The following ARRDC2 variants were observed in gnomAD, a reference collection of about 807,000 sequenced individuals.
ARRDC2 encodes the protein arrestin domain-containing protein 2.
Under a neutral mutation model 38.9 loss-of-function variants are expected in ARRDC2, and 39 were observed. The observed-to-expected ratio is 1.00, with a 90% CI of 0.78 to 1.31. The LOEUF (loss-of-function observed/expected upper bound fraction) is 1.31. Ranked by LOEUF, ARRDC2 falls within the 50% of genes most tolerant of loss-of-function variation. The probability of loss-of-function intolerance (pLI) is 0.00; values close to 1 mark genes in which losing one functional copy is unlikely to be tolerated. For synonymous variants in ARRDC2, 300 were observed against 261.9 expected (o/e 1.15, Z -1.41); for missense variants, 553 against 588.4 (o/e 0.94, Z 0.62).
upstream of ARRDC2, among the ~76,000 whole-genome samples, chr19:18,004,396 C>T (rs1425219955): frequency 2.0e-5 from 3 of 149,644 alleles, no homozygotes; most frequent in South Asian, 6.4e-4. Context: ...TACAGGCATG[C>T]GCCACCACAC....
upstream of ARRDC2, chr19:18,007,964 T>C (rs2033312906): frequency 6.9e-6 from 3 of 437,828 alleles, no homozygotes; most frequent in South Asian, 7.6e-5. Flanking sequence ...TCTGGCAGCC[T>C]AAGGGCTTCA....
rs766928140 is a variant in ARRDC2, at chr19:18,008,641, G to A, written c.274+57G>A. The A allele has an allele frequency of 2.5e-6, 4 of 1,602,262 alleles. No homozygotes were observed. In the South Asian group the frequency reaches 3.3e-5, roughly 13 times the overall value. Reference sequence around the variant, plus strand: ...GTTGTGTGCCTCCCACCACCTGGACGGCGGTACCTCCGTCAGCCCTGGGAC... The same window carrying A: ...GTTGTGTGCCTCCCACCACCTGGACAGCGGTACCTCCGTCAGCCCTGGGAC... On this transcript the variant is annotated intron_variant, in intron 1 of 7. Coordinates refer to ENST00000222250, the MANE Select transcript of ARRDC2 (RefSeq NM_015683.2).
Position 18,008,383 on chromosome 19 carries a change from A to C in ARRDC2, c.73A>C (p.Ser25Arg), listed in dbSNP as rs1219307477. The C allele has an allele frequency of 5.6e-6, 9 of 1,595,578 alleles. No individual in the cohort carries two copies. The highest frequency in any genetic ancestry group is 7.6e-6 in the Non-Finnish European group (9 of 1,178,488). ...GATAGVEPVF[S>R]GGQAVAGRVL... is the part of the protein sequence containing the mutation. ...GACCGCGGGCGTCGAGCCCGTGTTT[A>C]GCGGCGGCCAGGCCGTGGCGGGCCG... The change falls in exon 1 of 8, where the codon AGC (serine) becomes CGC (arginine). Residue 25 changes from serine to arginine, a missense_variant. By Grantham distance (110) the Ser-to-Arg change is moderately radical (BLOSUM62 -1). Transcript: ENST00000222250.
At chr19:18,003,066 C>T (rs961387912) in intron 1 of ARRDC2, among the ~76,000 whole-genome samples, 1 of 151,428 alleles carries the variant, frequency 6.6e-6, no homozygotes, top group South Asian at 2.1e-4. Context: ...CACCACTACA[C>T]TCCAGCCTGG....
At chr19:18,001,383 C>G (rs1431085893) in exon 1 of ARRDC2, 91 of 1,209,598 alleles carry the variant, frequency 7.5e-5, no homozygotes, top group Non-Finnish European at 9.1e-5. Context: ...CCTACCGCGG[C>G]GGGGAGCGGC....
upstream of ARRDC2, among the ~76,000 whole-genome samples, chr19:18,006,066 G>A (rs1384730408): frequency 1.1e-4 from 17 of 151,696 alleles, no homozygotes; most frequent in Admixed American, 1.1e-3. Flanking sequence ...TCGTAGATGG[G>A]ATGGCGGCCG....
rs570988698 is a variant in ARRDC2, at chr19:18,008,750, A to G, written c.314A>G (p.Glu105Gly). The G allele has an allele frequency of 6.2e-7, 1 of 1,613,506 alleles. No homozygotes were observed. Among genetic ancestry groups the G allele is most frequent in the South Asian group, 1.1e-5 (1 of 91,082 alleles). ...ACGACGCTGCCTCCTGGGCGCCATG[A>G]GTTCCTGTTCAGCTTCCAGCTGCCC... ...ETTTLPPGRHEFLFSFQLPPT... is the reference protein window; with the variant it reads ...ETTTLPPGRHGFLFSFQLPPT... Residue 105 changes from glutamate (E) to glycine (G), a missense_variant, in exon 2 of 8, where the codon GAG becomes GGG. Coordinates refer to ENST00000222250, the MANE Select transcript of ARRDC2 (RefSeq NM_015683.2).
chr19:18,005,805 G>A (rs2033263065), upstream of ARRDC2, among the ~76,000 whole-genome samples: 1 of 151,886 alleles, frequency 6.6e-6, no homozygotes. Context: ...TGGCTGCCGG[G>A]CGGAGAAGCT....
chr19:18,009,186 G>A, intron 3 of ARRDC2, 68 bp downstream of exon 3: 1 of 1,557,368 alleles, frequency 6.4e-7, no homozygotes, highest in Non-Finnish European at 8.7e-7. Flanking sequence ...GCTGCTGGGC[G>A]ACACCAACCA....
chr19:18,007,268 A>G (rs1410429529), upstream of ARRDC2: 1 of 152,272 alleles, frequency 6.6e-6, no homozygotes, highest in African/African-American at 2.4e-5. Context: ...CCGTGGCCAC[A>G]CCGCAGCTGT....
At chr19:18,003,781 A>T (rs190549051), upstream of ARRDC2, among the ~76,000 whole-genome samples, 94 of 152,168 alleles carry the variant, frequency 6.2e-4, no homozygotes, top group African/African-American at 2.2e-3. Flanking sequence ...CTGGGACTAC[A>T]GGCACCCGCC....
Position 18,013,125 on chromosome 19 carries a change from CAG to C in ARRDC2, c.*162_*163del, listed in dbSNP as rs2033447220. 6 of 706,632 alleles carry C rather than the reference CAG, an allele frequency of 8.5e-6. No individual in the cohort carries two copies. The East Asian group carries it at 1.7e-4, about 20-fold the overall frequency. 43.8% of individuals were successfully genotyped at this position (706,632 alleles called of 1,614,324 possible). On this transcript the variant is annotated 3_prime_UTR_variant, in exon 8 of 8. Coordinates refer to ENST00000222250, the MANE Select transcript of ARRDC2 (RefSeq NM_015683.2). ...GGGGCCTTTCGGATATCACATGGGACAGAGGAAGAGCCCGGCTGGAATCTGAC... is the reference window on the plus strand; with the variant it reads ...GGGGCCTTTCGGATATCACATGGGACAGGAAGAGCCCGGCTGGAATCTGAC...
At chr19:18,006,433 G>A (rs10423375), upstream of ARRDC2, among the ~76,000 whole-genome samples, 6 of 152,022 alleles carry the variant, frequency 3.9e-5, no homozygotes, top group East Asian at 1.9e-4. Context: ...GAGACCAGCC[G>A]GGCCAACACA....
intron 7 of ARRDC2, 145 bp from the exon 8 acceptor site, chr19:18,012,768 G>A (rs1281542182): frequency 4.1e-5 from 32 of 776,418 alleles, no homozygotes; most frequent in Non-Finnish European, 6.0e-5. Flanking sequence ...AACCCTCCTT[G>A]CACCCCAGTC....
In ARRDC2 at chr19:18,008,526, GC is replaced by G; in HGVS notation, c.217del (p.Gln73ArgfsTer10). On this transcript the variant is annotated frameshift_variant, in exon 1 of 8. Coordinates refer to ENST00000222250, the MANE Select transcript of ARRDC2 (RefSeq NM_015683.2). LOFTEE classifies it high-confidence loss of function. ...GCGCGGGCTCGAGCACGGCTTACAC[GC>G]AGAGCTACAGTGAACGCGTGGAGGT... ...RSAGSSTAYT[Q>X]SYSERVEVVS... The G allele has an allele frequency of 6.5e-7, 1 of 1,546,246 alleles. No homozygotes were observed. The highest frequency in any genetic ancestry group is 8.7e-7 in the Non-Finnish European group (1 of 1,153,634).
Position 18,012,898 on chromosome 19 carries a change from G to A in ARRDC2, c.1171-15G>A, listed in dbSNP as rs2033441482. 3 of 1,612,394 alleles carry A rather than the reference G, an allele frequency of 1.9e-6. No individual in the cohort carries two copies. Among genetic ancestry groups the A allele is most frequent in the South Asian group, 1.1e-5 (1 of 90,936 alleles). ...TCCAGTGTTCTCTGAGGCTTAATGGGAACATTTCTCTTAGGAGGATCCAAA... is the reference window on the plus strand; with the variant it reads ...TCCAGTGTTCTCTGAGGCTTAATGGAAACATTTCTCTTAGGAGGATCCAAA... On this transcript the variant is annotated splice_polypyrimidine_tract_variant and intron_variant, in intron 7 of 7. Coordinates refer to ENST00000222250, the MANE Select transcript of ARRDC2 (RefSeq NM_015683.2).
At chr19:18,001,369 G>T in exon 1 of ARRDC2, 2 of 1,202,062 alleles carry the variant, frequency 1.7e-6, no homozygotes, top group Non-Finnish European at 2.1e-6. Flanking sequence ...GGGCCCGGGC[G>T]GCGCCTACCG....
At position 18,013,643 on chromosome 19, in the gene ARRDC2, A is replaced by G. The variant is rs1472292813; in HGVS notation, c.*677A>G. On this transcript the variant is annotated 3_prime_UTR_variant, in exon 8 of 8. Transcript: ENST00000222250. ...TGTGGGTGGCAGGGGCAGCCGCTCC[A>G]GCCTTTGAAGACTTTGAAAGCCAGA... is the stretch of plus-strand genomic sequence containing the variant. The G allele has an allele frequency of 6.6e-6, 1 of 152,236 alleles. No individual in the cohort carries two copies. The highest frequency in any genetic ancestry group is 1.9e-4 in the East Asian group (1 of 5,192). The allele number at this position is 152,236 out of a possible 1,614,324, so 9.4% of individuals were successfully genotyped here.
At chr19:18,001,457 C>A in exon 1 of ARRDC2, 1 of 1,269,334 alleles carries the variant, frequency 7.9e-7, no homozygotes, top group South Asian at 2.6e-5. Flanking sequence ...GAGGTGAAGG[C>A]GCGCGGCGGG....
Sources: allele counts gnomAD v4.1 joint callset (sites outside exome capture counted in the v4.1 genomes callset), GRCh38; gene constraint gnomAD v4.1.1; transcripts MANE v1.5; gene names NCBI Gene and HGNC (gene_info 2026-07-23, HGNC 2026-07-21).